The following LUZP2 variants were observed in gnomAD, a reference collection of about 807,000 sequenced individuals.
LUZP2 encodes leucine zipper protein 2.
LUZP2 carries 52 observed loss-of-function variants against 51.6 expected under a neutral mutation model. The ratio of observed to expected loss-of-function variants is 1.01; its 90% CI spans 0.81 to 1.27. The LOEUF (loss-of-function observed/expected upper bound fraction) is 1.27, where lower values mean the gene tolerates loss of function less well. LUZP2 is among the 50% of genes most tolerant of loss of function. The pLI is 0.00. For missense variants in LUZP2, 436 were observed against 395.4 expected (o/e 1.10, Z -0.87); for synonymous variants, 154 against 137.3 (o/e 1.12, Z -0.85).
chr11:24,888,760 G>T (rs1335988210), intron 5 of LUZP2, among the ~76,000 whole-genome samples: 1 of 152,140 alleles, frequency 6.6e-6, no homozygotes, highest in Admixed American at 6.5e-5. Flanking sequence ...AGACCAGGTG[G>T]AGGTAACTGA....
chr11:25,075,120 T>C (rs1859263552), intron 10 of LUZP2, among the ~76,000 whole-genome samples: 1 of 152,226 alleles, frequency 6.6e-6, no homozygotes, highest in African/African-American at 2.4e-5. Flanking sequence ...GTGATTATAA[T>C]ATTTCCAGAG....
At chr11:25,070,770 GGTGTGTGTGTGTGTGTGTGT>G (rs67504954) in intron 10 of LUZP2, among the ~76,000 whole-genome samples, 5 of 141,282 alleles carry the variant, frequency 3.5e-5, no homozygotes, top group Admixed American at 7.1e-5. Flanking sequence ...GACTGTGTAT[GGTGTGTGTGTGTGTGTGTGT>G]GTGTGTGTGT....
intron 5 of LUZP2, among the ~76,000 whole-genome samples, chr11:24,825,154 C>T (rs954793297): frequency 6.6e-6 from 1 of 151,946 alleles, no homozygotes; most frequent in Non-Finnish European, 1.5e-5. Context: ...TCTAGTTTTT[C>T]AATCTATTTA....
intron 5 of LUZP2, among the ~76,000 whole-genome samples, chr11:24,797,046 G>A (rs1213465584): frequency 6.6e-6 from 1 of 152,142 alleles, no homozygotes; most frequent in East Asian, 1.9e-4. Flanking sequence ...CCTTGTGCAA[G>A]TAATTCAAAT....
intron 7 of LUZP2, among the ~76,000 whole-genome samples, chr11:24,945,721 C>G (rs533065177): frequency 2.6e-5 from 4 of 152,008 alleles, no homozygotes; most frequent in Non-Finnish European, 5.9e-5. Context: ...TTTCTTCTAT[C>G]TGTTGTTTCC....
chr11:24,874,680 C>G (rs192755977), intron 5 of LUZP2, among the ~76,000 whole-genome samples: 1 of 152,252 alleles, frequency 6.6e-6, no homozygotes, highest in Admixed American at 6.5e-5. Context: ...CACAAGAGTT[C>G]TTAACTGATT....
In LUZP2 at chr11:24,742,057, T is replaced by TTATATATATATATATATATATATATATA. The variant is rs1554983398; in HGVS notation, c.333+3774_333+3775insATATATATATATATATATATATATATAT. On this transcript the variant is annotated intron_variant, in intron 4 of 11. Transcript: ENST00000336930. ...TATAAATACATAAAAATAAATATAA[T>TTATATATATATATATATATATATATATA]TATATATATATATATATATCACCAT... Among the ~76,000 whole-genome samples, 158 of 116,260 alleles carry TTATATATATATATATATATATATATATA rather than the reference T, an allele frequency of 1.4e-3. 6 individuals are homozygous for TTATATATATATATATATATATATATATA. Among genetic ancestry groups the TTATATATATATATATATATATATATATA allele is most frequent in the African/African-American group, 5.2e-3 (124 of 23,812 alleles). The allele number at this position is 116,260 out of a possible 152,430, so 76.3% of individuals were successfully genotyped here.
At chr11:25,074,535 C>CTAGCATTAA (rs1339787178) in intron 10 of LUZP2, among the ~76,000 whole-genome samples, 1 of 152,082 alleles carries the variant, frequency 6.6e-6, no homozygotes, top group African/African-American at 2.4e-5. Flanking sequence ...GTTGGTTGTG[C>CTAGCATTAA]TAGCATTAAT....
At chr11:24,891,018 G>A (rs528193304) in intron 5 of LUZP2, 76 of 980,360 alleles carry the variant, frequency 7.8e-5, no homozygotes, top group Non-Finnish European at 8.1e-5. Context: ...ATCACTCTAC[G>A]TTTATTCATG....
At chr11:24,519,496 A>G (rs1454509187) in intron 1 of LUZP2, among the ~76,000 whole-genome samples, 6 of 152,318 alleles carry the variant, frequency 3.9e-5, no homozygotes, top group Non-Finnish European at 8.8e-5. Flanking sequence ...GAAAATAAGT[A>G]TGAGATCTCC....
intron 7 of LUZP2, among the ~76,000 whole-genome samples, chr11:24,960,014 G>T: frequency 6.6e-6 from 1 of 152,122 alleles, no homozygotes; most frequent in Non-Finnish European, 1.5e-5. Context: ...TAATCATGTG[G>T]TTTTTGTCTT....
rs193101829 is a variant in LUZP2 at position 25,053,962 on chromosome 11, A to G, written c.858+3832A>G. Reference sequence around the variant, plus strand: ...TGGTTCTCAGAAAGGTAAAATTCTCAGTAATGAGGGCTCACCTTACCTTAA... The same window carrying G: ...TGGTTCTCAGAAAGGTAAAATTCTCGGTAATGAGGGCTCACCTTACCTTAA... On this transcript the variant is annotated intron_variant, in intron 10 of 11. Coordinates refer to ENST00000336930, the MANE Select transcript of LUZP2 (RefSeq NM_001009909.4). Among the ~76,000 whole-genome samples the G allele has an allele frequency of 1.4e-3, 214 of 152,284 alleles. 2 individuals are homozygous for G. The highest frequency in any genetic ancestry group is 4.5e-3 in the African/African-American group (186 of 41,576).
rs567169835 is a variant in LUZP2, at chr11:24,655,408, G to A, written c.63-73761G>A. Among the ~76,000 whole-genome samples, 5 of 152,072 alleles carry A rather than the reference G, an allele frequency of 3.3e-5. No homozygotes were observed. In the East Asian group the frequency reaches 7.8e-4, roughly 24 times the overall value. On this transcript the variant is annotated intron_variant, in intron 1 of 11. Transcript: ENST00000336930. ...GGTCTTTTTTTTTTAATAACTAGAG[G>A]TGCAGTGAATATTTTGGATCATTTC...
chr11:24,973,324 T>C (rs760593336), intron 7 of LUZP2, among the ~76,000 whole-genome samples: 37 of 150,630 alleles, frequency 2.5e-4, no homozygotes, highest in Admixed American at 9.3e-4. Flanking sequence ...TTCTCTCTTT[T>C]CTTCTTTATT....
intron 5 of LUZP2, among the ~76,000 whole-genome samples, chr11:24,821,886 T>C (rs1011358756): frequency 6.7e-6 from 1 of 150,158 alleles, no homozygotes; most frequent in African/African-American, 2.4e-5. Flanking sequence ...TATATATATA[T>C]ATATTTAAAA....
chr11:24,960,741 T>C (rs910543811), intron 7 of LUZP2, among the ~76,000 whole-genome samples: 5 of 152,200 alleles, frequency 3.3e-5, no homozygotes, highest in African/African-American at 1.2e-4. Flanking sequence ...TGTGTCTCTA[T>C]TTCCTTCAGT....
chr11:24,601,722 A>G (rs997531666), intron 1 of LUZP2, among the ~76,000 whole-genome samples: 2 of 151,108 alleles, frequency 1.3e-5, no homozygotes, highest in African/African-American at 2.4e-5. Context: ...TACTGCTAGC[A>G]TTTACCAGCA....
At chr11:25,061,214 A>G (rs1027991816) in intron 10 of LUZP2, among the ~76,000 whole-genome samples, 1 of 152,186 alleles carries the variant, frequency 6.6e-6, no homozygotes, top group Non-Finnish European at 1.5e-5. Context: ...AGTCTTCTGC[A>G]CTACGCTGTG....
intron 1 of LUZP2, among the ~76,000 whole-genome samples, chr11:24,598,229 A>G (rs1853509862): frequency 6.6e-6 from 1 of 152,194 alleles, no homozygotes; most frequent in African/African-American, 2.4e-5. Flanking sequence ...GAGAAAAGCA[A>G]AATGAGAGTT....
Sources: gnomAD v4.1 joint callset for allele counts (sites outside exome capture counted in the v4.1 genomes callset) on GRCh38, gnomAD v4.1.1 for gene constraint, MANE v1.5 for transcripts, NCBI Gene and HGNC (gene_info 2026-07-23, HGNC 2026-07-21) for gene names.